RASGRF1: variants seen among roughly 807,000 people sequenced by gnomAD.
RASGRF1 encodes ras-specific guanine nucleotide-releasing factor 1.
Under a neutral mutation model 138.7 loss-of-function variants are expected in RASGRF1, and 40 were observed. The ratio of observed to expected loss-of-function variants is 0.29; its 90% CI spans 0.22 to 0.38. RASGRF1 has a LOEUF of 0.38. Among genes scored for constraint, RASGRF1 ranks in the 10% least tolerant of loss-of-function variants. The pLI is 1.00. For missense variants in RASGRF1, 1,108 were observed against 1,650.4 expected (o/e 0.67, Z 5.69); for synonymous variants, 614 against 663.2 (o/e 0.93, Z 1.14).
At chr15:79,070,083 C>T (rs775641786) in intron 1 of RASGRF1, among the ~76,000 whole-genome samples, 10 of 152,112 alleles carry the variant, frequency 6.6e-5, no homozygotes, top group East Asian at 1.9e-4. Context: ...GAGTAATGTT[C>T]GGGGTGCCTT....
intron 7 of RASGRF1, 22 bp from the exon 8 acceptor site, chr15:79,031,531 G>C: frequency 6.4e-7 from 1 of 1,565,636 alleles, no homozygotes. Flanking sequence ...TGGGAGAGGT[G>C]AGGGTGGAGA....
intron 4 of RASGRF1, 99 bp downstream of exon 4, chr15:79,049,397 T>C: frequency 3.5e-6 from 4 of 1,138,014 alleles, no homozygotes; most frequent in East Asian, 2.5e-5. Context: ...GGGGGCACGC[T>C]CTGAGGACAG....
intron 3 of RASGRF1, among the ~76,000 whole-genome samples, chr15:79,053,110 C>CA (rs1199002528): frequency 3.3e-5 from 5 of 152,140 alleles, no homozygotes; most frequent in South Asian, 2.1e-4. Flanking sequence ...ACTAATAACA[C>CA]AAAAATTAGC....
intron 1 of RASGRF1, among the ~76,000 whole-genome samples, chr15:79,066,585 G>C (rs934312589): frequency 6.6e-6 from 1 of 152,210 alleles, no homozygotes; most frequent in Non-Finnish European, 1.5e-5. Context: ...GTCACCAGGG[G>C]ACTCAGAGCT....
chr15:79,070,428 G>C (rs923310746), intron 1 of RASGRF1, among the ~76,000 whole-genome samples: 2 of 152,202 alleles, frequency 1.3e-5, no homozygotes, highest in East Asian at 1.9e-4. Context: ...TGGGAAACTT[G>C]ATTTCCTTTT....
At chr15:78,987,174 T>C (rs2056176591) in intron 22 of RASGRF1, among the ~76,000 whole-genome samples, 1 of 152,262 alleles carries the variant, frequency 6.6e-6, no homozygotes, top group African/African-American at 2.4e-5. Context: ...GCAAGGATGA[T>C]TGAATATTAG....
intron 10 of RASGRF1, 44 bp downstream of exon 10, chr15:79,025,269 GA>G (rs1309450007): frequency 2.5e-5 from 38 of 1,537,442 alleles, no homozygotes; most frequent in Non-Finnish European, 3.0e-5. Flanking sequence ...GCGCCTGCAT[GA>G]CCCTAGCTGG....
At chr15:79,022,451 A>T (rs1011685980) in intron 10 of RASGRF1, among the ~76,000 whole-genome samples, 15 of 151,548 alleles carry the variant, frequency 9.9e-5, no homozygotes, top group African/African-American at 3.6e-4. Flanking sequence ...AAAAACAAAC[A>T]AACAACCCCC....
chr15:79,069,923 G>C (rs947921011), intron 1 of RASGRF1, among the ~76,000 whole-genome samples: 8 of 152,188 alleles, frequency 5.3e-5, no homozygotes, highest in African/African-American at 1.9e-4. Context: ...GGCACTTGCA[G>C]AAAACCTTGG....
Position 79,017,666 on chromosome 15 carries a change from C to T in RASGRF1, c.1743+104G>A. 3 of 1,354,926 alleles carry T rather than the reference C, an allele frequency of 2.2e-6. No individual in the cohort carries two copies. In the South Asian group the frequency reaches 4.5e-5, roughly 20 times the overall value. The allele number at this position is 1,354,926 out of a possible 1,614,324, so 83.9% of individuals were successfully genotyped here. Reference sequence around the variant, plus strand: ...TTGCATCTTTCTCTGTAGAACAGTGCAGCTACTCCACCACCCCCACCCCCT... The same window carrying T: ...TTGCATCTTTCTCTGTAGAACAGTGTAGCTACTCCACCACCCCCACCCCCT... On this transcript the variant is annotated intron_variant, in intron 12 of 26. Coordinates refer to ENST00000558480, the MANE Select transcript of RASGRF1 (RefSeq NM_001145648.3).
intron 5 of RASGRF1, among the ~76,000 whole-genome samples, chr15:79,037,222 G>A (rs2057234453): frequency 1.3e-5 from 2 of 152,120 alleles, no homozygotes; most frequent in Non-Finnish European, 2.9e-5. Flanking sequence ...TGCAGAGAAG[G>A]AAGAATGTCT....
At chr15:78,978,203 T>C (rs1374345548) in intron 24 of RASGRF1, among the ~76,000 whole-genome samples, 9 of 144,606 alleles carry the variant, frequency 6.2e-5, no homozygotes, top group Non-Finnish European at 1.1e-4. Flanking sequence ...TTCTTCTTTT[T>C]CTTTTTCTTT....
intron 19 of RASGRF1, among the ~76,000 whole-genome samples, chr15:78,996,227 C>T (rs1203893275): frequency 1.3e-5 from 2 of 152,210 alleles, no homozygotes; most frequent in African/African-American, 4.8e-5. Flanking sequence ...ATGGCAGCCA[C>T]AGGCCCAGAG....
intron 1 of RASGRF1, among the ~76,000 whole-genome samples, chr15:79,083,001 C>T (rs754812495): frequency 6.6e-5 from 10 of 152,196 alleles, no homozygotes; most frequent in Non-Finnish European, 1.5e-4. Context: ...GCTTTCCAAA[C>T]AGCGTGTAGT....
intron 13 of RASGRF1, among the ~76,000 whole-genome samples, chr15:79,009,510 C>G (rs1187427246): frequency 6.6e-6 from 1 of 152,080 alleles, no homozygotes; most frequent in Non-Finnish European, 1.5e-5. Context: ...CCCAAAGCAT[C>G]CAGCCCAGAC....
At chr15:78,991,665 A>T (rs563266714) in intron 21 of RASGRF1, 26 bp downstream of exon 21, 4 of 1,568,802 alleles carry the variant, frequency 2.5e-6, no homozygotes, top group Non-Finnish European at 2.6e-6. Flanking sequence ...AAGCGGGGGG[A>T]GGCGGGTGGT....
chr15:79,066,317 G>A (rs1244471829), intron 1 of RASGRF1, among the ~76,000 whole-genome samples: 2 of 152,202 alleles, frequency 1.3e-5, no homozygotes, highest in East Asian at 3.9e-4. Context: ...AAGCTGGGAT[G>A]ACACACCTGC....
intron 25 of RASGRF1, 64 bp from the exon 26 acceptor site, chr15:78,971,998 A>G (rs896773213): frequency 2.2e-6 from 3 of 1,389,338 alleles, no homozygotes; most frequent in Non-Finnish European, 3.1e-6. Context: ...CCAACTTTGC[A>G]GAGCTGAAGG....
At chr15:79,017,311 C>A (rs2056892649) in intron 12 of RASGRF1, among the ~76,000 whole-genome samples, 1 of 152,216 alleles carries the variant, frequency 6.6e-6, no homozygotes, top group African/African-American at 2.4e-5. Context: ...ACTGAAGAAG[C>A]TACCCTTGGC....
Sources: gnomAD v4.1 joint callset for allele counts (sites outside exome capture counted in the v4.1 genomes callset) on GRCh38, gnomAD v4.1.1 for gene constraint, MANE v1.5 for transcripts, NCBI Gene and HGNC (gene_info 2026-07-23, HGNC 2026-07-21) for gene names.